The following LINS1 variants were observed in gnomAD, a reference collection of about 807,000 sequenced individuals.
The protein encoded by LINS1 is protein Lines homolog 1.
In LINS1, 27 loss-of-function variants were observed where a neutral mutation model predicts 41.6. The observed-to-expected ratio is 0.65, with a 90% confidence interval of 0.48 to 0.89. The LOEUF is 0.89. LINS1 is among the 40% of genes least tolerant of loss of function. The pLI is 0.00. For synonymous variants in LINS1, 336 were observed against 312.9 expected (o/e 1.07, Z -0.78); for missense variants, 955 against 884.1 (o/e 1.08, Z -1.02).
In LINS1 at chr15:100,569,983, A is replaced by T. The variant is rs1265121844; in HGVS notation, c.1529T>A (p.Leu510His). The part of the protein sequence containing the change: ...KNIGFDSTVL[L>H]DFLISSETCF... ...GGTTTCTGATGAAATCAAAAAGTCA[A>T]GAAGAACTGTGGAATCAAATCCTAT... is the stretch of plus-strand genomic sequence containing the variant. The change falls in exon 7 of 7, where the codon CTT (leucine) becomes CAT (histidine). Residue 510 changes from leucine to histidine, a missense_variant. Leu to His is a moderately conservative substitution (Grantham distance 99, BLOSUM62 -3). Transcript: ENST00000314742. 6.4e-7 allele frequency: 1 copy of T among 1,570,632 alleles called. No homozygotes were observed. The highest frequency in any genetic ancestry group is 1.9e-5 in the Admixed American group (1 of 53,620).
intron 3 of LINS1, among the ~76,000 whole-genome samples, chr15:100,577,263 T>C (rs2038241253): frequency 6.6e-6 from 1 of 152,228 alleles, no homozygotes; most frequent in Admixed American, 6.5e-5. Flanking sequence ...GACATGATTG[T>C]ATATCTAGAA....
chr15:100,596,649 T>G (rs1392011802), intron 1 of LINS1, among the ~76,000 whole-genome samples: 3 of 152,198 alleles, frequency 2.0e-5, no homozygotes, highest in African/African-American at 7.2e-5. Flanking sequence ...TCATTTCTTT[T>G]CTAACAAAAA....
Position 100,600,020 on chromosome 15 carries a change from C to T in LINS1, c.-104+2101G>A, listed in dbSNP as rs149876692. ...GGCGGAGGTTGCAGTGAGCCAAGCT[C>T]GCACCACTGTACTCCAGCCTGGGCG... On this transcript the variant is annotated intron_variant, in intron 1 of 6. Coordinates refer to ENST00000314742, the MANE Select transcript of LINS1 (RefSeq NM_001040616.3). 2.0e-3 allele frequency among the ~76,000 whole-genome samples: 306 copies of T among 152,148 alleles called. 1 individual carries two copies. The highest frequency in any genetic ancestry group is 6.9e-3 in the African/African-American group (287 of 41,512).
chr15:100,600,973 G>A (rs2039466447), intron 1 of LINS1, among the ~76,000 whole-genome samples: 1 of 151,974 alleles, frequency 6.6e-6, no homozygotes, highest in South Asian at 2.1e-4. Flanking sequence ...CCACTCCCCA[G>A]TCTCATTACC....
In LINS1 at chr15:100,573,992, A is replaced by G. The variant is rs1479538100; in HGVS notation, c.881T>C (p.Phe294Ser). 3 of 1,614,214 alleles carry G rather than the reference A, an allele frequency of 1.9e-6. No individual in the cohort carries two copies. The highest frequency in any genetic ancestry group is 1.7e-5 in the Admixed American group (1 of 60,030). Residue 294 changes from phenylalanine (F) to serine (S), a missense_variant, in exon 5 of 7, where the codon TTT becomes TCT. By Grantham distance (155) the Phe-to-Ser change is radical (BLOSUM62 -2). Transcript: ENST00000314742. ...LEVITWPIQA[F>S]VKRKVIIFLK... ...GAATATGATGACCTTCCTTTTAACA[A>G]AAGCCTGAATAGGCCAGGTAATAAC...
chr15:100,598,343 G>T (rs773689224), intron 1 of LINS1, among the ~76,000 whole-genome samples: 8 of 152,098 alleles, frequency 5.3e-5, no homozygotes, highest in Non-Finnish European at 1.2e-4. Context: ...TTTTAGTACC[G>T]TTTTGATCTC....
Position 100,587,607 on chromosome 15 carries a change from T to C in LINS1, c.-103-6662A>G, listed in dbSNP as rs2038866826. Among the ~76,000 whole-genome samples, 3 of 152,144 alleles carry C rather than the reference T, an allele frequency of 2.0e-5. 1 individual carries two copies. The highest frequency in any genetic ancestry group is 4.4e-5 in the Non-Finnish European group (3 of 68,028). ...ACCATGATTTTTTTAAGTTCCTAAG[T>C]GGAAGGCTTTTATTTGGTTCTGTGG... is the stretch of plus-strand genomic sequence containing the variant. On this transcript the variant is annotated intron_variant, in intron 1 of 6. Transcript: ENST00000314742.
chr15:100,582,344 C>T (rs965190811), intron 1 of LINS1, among the ~76,000 whole-genome samples: 1 of 142,200 alleles, frequency 7.0e-6, no homozygotes, highest in African/African-American at 2.6e-5. Flanking sequence ...CTGGTTCTTC[C>T]ATCTACAACA....
intron 1 of LINS1, among the ~76,000 whole-genome samples, chr15:100,592,868 T>C (rs548361881): frequency 1.3e-5 from 2 of 152,252 alleles, no homozygotes; most frequent in South Asian, 4.1e-4. Context: ...TGATCAAGTA[T>C]AAACTCCTCT....
chr15:100,569,842 C>A lies in LINS1; in HGVS notation c.1670G>T (p.Cys557Phe), dbSNP rs752474812. The A allele has an allele frequency of 1.2e-6, 2 of 1,614,146 alleles. No homozygotes were observed. Among genetic ancestry groups the A allele is most frequent in the Non-Finnish European group, 1.7e-6 (2 of 1,180,026 alleles). The change falls in exon 7 of 7, where the codon TGT becomes TTT. Residue 557 changes from cysteine to phenylalanine, a missense_variant. By Grantham distance (205) the Cys-to-Phe change is radical (BLOSUM62 -2). Coordinates refer to ENST00000314742, the MANE Select transcript of LINS1 (RefSeq NM_001040616.3). ...ATESKYDISI[C>F]GCVPSLVQDQ... The stretch of plus-strand genomic sequence containing the variant: ...TTGGACAAGTGAGGGGACACAGCCA[C>A]AAATACTTATGTCATATTTAGATTC...
chr15:100,572,794 A>G lies in LINS1; in HGVS notation c.1223-729T>C, dbSNP rs542095673. 5.9e-5 allele frequency: 57 copies of G among 961,712 alleles called. No homozygotes were observed. In the African/African-American group the frequency reaches 8.8e-4, roughly 15 times the overall value. 59.6% of individuals were successfully genotyped at this position (961,712 alleles called of 1,614,324 possible). A position where few individuals can be genotyped will look rare whatever the true frequency, so the allele number is the denominator to read the frequency against. ...TTGAACTCCTGAGTTACTATTCTGG[A>G]AATTATATATGTAACAATTTCTTTG... On this transcript the variant is annotated intron_variant, in intron 5 of 6. Coordinates refer to ENST00000314742, the MANE Select transcript of LINS1 (RefSeq NM_001040616.3).
chr15:100,599,634 G>A (rs958925473), intron 1 of LINS1, among the ~76,000 whole-genome samples: 2 of 152,132 alleles, frequency 1.3e-5, no homozygotes, highest in African/African-American at 4.8e-5. Flanking sequence ...GAATGAATAT[G>A]TTCTCCACAA....
At chr15:100,597,917 A>C (rs529826483) in intron 1 of LINS1, among the ~76,000 whole-genome samples, 1 of 152,254 alleles carries the variant, frequency 6.6e-6, no homozygotes, top group Non-Finnish European at 1.5e-5. Context: ...ATTTGCAAAA[A>C]TTAAATGGCT....
At chr15:100,595,725 C>T (rs1017197968) in intron 1 of LINS1, among the ~76,000 whole-genome samples, 1 of 152,148 alleles carries the variant, frequency 6.6e-6, no homozygotes, top group Non-Finnish European at 1.5e-5. Flanking sequence ...ACTACATAGA[C>T]TAATAGACTG....
chr15:100,585,894 TTTATGTTTGTC>T (rs1409654761), intron 1 of LINS1, among the ~76,000 whole-genome samples: 1 of 152,216 alleles, frequency 6.6e-6, no homozygotes, highest in Non-Finnish European at 1.5e-5. Flanking sequence ...TTTGTCTGGT[TTTATGTTTGTC>T]TTTGCTAGAT....
chr15:100,575,146 A>C lies in LINS1; in HGVS notation c.490-18T>G. 2 of 1,603,730 alleles carry C rather than the reference A, an allele frequency of 1.2e-6. No individual in the cohort carries two copies. Among genetic ancestry groups the C allele is most frequent in the Middle Eastern group, 1.7e-4 (1 of 5,960 alleles). ...AAGGTTATCTACAAGTGAGAAAATA[A>C]AGCAAGCAGTTAAAATACAATATTT... is the stretch of plus-strand genomic sequence containing the variant. On this transcript the variant is annotated intron_variant, in intron 3 of 6. Coordinates refer to ENST00000314742, the MANE Select transcript of LINS1 (RefSeq NM_001040616.3).
chr15:100,595,359 A>G (rs2039200242), intron 1 of LINS1, among the ~76,000 whole-genome samples: 1 of 152,142 alleles, frequency 6.6e-6, no homozygotes, highest in Non-Finnish European at 1.5e-5. Context: ...ATTCAATTAC[A>G]AAATGGATCA....
chr15:100,569,878 A>C lies in LINS1; in HGVS notation c.1634T>G (p.Phe545Cys), dbSNP rs774778933. The C allele has an allele frequency of 8.1e-6, 13 of 1,613,554 alleles. No individual in the cohort carries two copies. The highest frequency in any genetic ancestry group is 1.1e-5 in the Non-Finnish European group (13 of 1,179,666). The change falls in exon 7 of 7, where the codon TTT becomes TGT. Residue 545 changes from phenylalanine to cysteine, a missense_variant. Physicochemically the swap from Phe to Cys is radical, Grantham distance 205. Coordinates refer to ENST00000314742, the MANE Select transcript of LINS1 (RefSeq NM_001040616.3). ...GTCATATTTAGATTCAGTTGCATCA[A>C]AGTTATTGCAAATGGTGAAAAAATT... ...WDNFFTICNN[F>C]DATESKYDIS...
At chr15:100,576,225 T>C (rs1291131397) in intron 3 of LINS1, among the ~76,000 whole-genome samples, 5 of 152,082 alleles carry the variant, frequency 3.3e-5, no homozygotes, top group African/African-American at 9.7e-5. Flanking sequence ...AAAAAATCAA[T>C]GAATCCAGGA....
Sources: allele counts gnomAD v4.1 joint callset (sites outside exome capture counted in the v4.1 genomes callset), GRCh38; gene constraint gnomAD v4.1.1; transcripts MANE v1.5; gene names NCBI Gene and HGNC (gene_info 2026-07-23, HGNC 2026-07-21).